The following STYXL1 variants were observed in gnomAD, a reference collection of about 807,000 sequenced individuals.
STYXL1 encodes serine/threonine/tyrosine-interacting-like protein 1.
STYXL1 carries 32 observed loss-of-function variants against 36.4 expected under a neutral mutation model. The ratio of observed to expected loss-of-function variants is 0.88; its 90% CI spans 0.66 to 1.18. The LOEUF (loss-of-function observed/expected upper bound fraction) is 1.18. STYXL1 is among the 50% of genes most tolerant of loss of function. The pLI is 0.00. For synonymous variants in STYXL1, 133 were observed against 144.1 expected, an observed-to-expected ratio of 0.92 and a Z score of 0.55; for missense variants, 354 against 394.1, an observed-to-expected ratio of 0.90 and a Z score of 0.86.
intron 5 of STYXL1, among the ~76,000 whole-genome samples, chr7:76,010,946 G>A (rs1026107861): frequency 2.6e-5 from 4 of 152,182 alleles, no homozygotes; most frequent in Non-Finnish European, 4.4e-5. Context: ...CAGGTGTGGT[G>A]GTTCATGCCT....
At chr7:76,001,087 C>T in intron 7 of STYXL1, 85 bp from the exon 8 acceptor site, 1 of 1,035,570 alleles carries the variant, frequency 9.7e-7, no homozygotes, top group Non-Finnish European at 1.5e-6. Flanking sequence ...CCTCCATGGG[C>T]CCGTGGTCCA....
intron 5 of STYXL1, among the ~76,000 whole-genome samples, chr7:76,005,798 C>CGA (rs144616727): frequency 5.6e-5 from 8 of 143,992 alleles, no homozygotes; most frequent in East Asian, 2.1e-4. Context: ...ATTTAAGCAT[C>CGA]GAGAGAGAGA....
In STYXL1 at chr7:76,018,818, A is replaced by G. The variant is rs115263063; in HGVS notation, c.307+3033T>C. On this transcript the variant is annotated intron_variant, in intron 4 of 8. Coordinates refer to ENST00000359697, the MANE Select transcript of STYXL1 (RefSeq NM_001317785.2). ...TTTGGCTATTATGAATAACACTGCT[A>G]TGAACATTCATGTAAAAGCTTTGGT... is the stretch of plus-strand genomic sequence containing the variant. 8.1e-3 allele frequency among the ~76,000 whole-genome samples: 1,237 copies of G among 152,326 alleles called. 17 individuals carry two copies. Among genetic ancestry groups the G allele is most frequent in the African/African-American group, 0.025 (1,056 of 41,574 alleles).
intron 1 of STYXL1, among the ~76,000 whole-genome samples, chr7:76,039,259 A>G (rs1247265496): frequency 2.7e-5 from 4 of 148,644 alleles, no homozygotes; most frequent in Non-Finnish European, 5.9e-5. Flanking sequence ...TAGTTTCTGT[A>G]GAGTCAGGGT....
At chr7:76,000,253 A>G (rs1232141205) in intron 8 of STYXL1, among the ~76,000 whole-genome samples, 3 of 148,944 alleles carry the variant, frequency 2.0e-5, no homozygotes, top group African/African-American at 7.5e-5. Context: ...AGGACTTTCT[A>G]GCCTACAACT....
chr7:76,007,593 C>CT (rs1283110899), intron 5 of STYXL1, among the ~76,000 whole-genome samples: 1 of 152,040 alleles, frequency 6.6e-6, no homozygotes, highest in Non-Finnish European at 1.5e-5. Context: ...TATGATTCCT[C>CT]TCTCGGAAAC....
chr7:76,021,808 T>C (rs782173675), intron 4 of STYXL1, 43 bp downstream of exon 4: 75 of 1,473,182 alleles, frequency 5.1e-5, no homozygotes, highest in Admixed American at 1.5e-4. Context: ...ATTTGTTCAA[T>C]AGCCGTTAAC....
At chr7:76,013,485 C>CA (rs1391325456) in intron 5 of STYXL1, among the ~76,000 whole-genome samples, 1 of 151,482 alleles carries the variant, frequency 6.6e-6, no homozygotes, top group African/African-American at 2.4e-5. Context: ...AGTACAGTGG[C>CA]ATGATCTTGG....
In STYXL1 at chr7:75,999,995, C is replaced by T. The variant is rs1024301518; in HGVS notation, c.810+895G>A. The stretch of plus-strand genomic sequence containing the variant: ...CATCCCCCACCACCACCCCACACAT[C>T]GCCTGGCCAAGATGGTGAAACCCTG... On this transcript the variant is annotated intron_variant, in intron 8 of 8. Coordinates refer to ENST00000359697, the MANE Select transcript of STYXL1 (RefSeq NM_001317785.2). Among the ~76,000 whole-genome samples, 4 of 150,888 alleles carry T rather than the reference C, an allele frequency of 2.7e-5. No homozygotes were observed. In the South Asian group the frequency reaches 8.5e-4, roughly 32 times the overall value.
At chr7:76,016,803 C>T (rs1333372290) in intron 4 of STYXL1, among the ~76,000 whole-genome samples, 3 of 152,106 alleles carry the variant, frequency 2.0e-5, no homozygotes, top group African/African-American at 7.2e-5. Context: ...TAAAGTAGTT[C>T]AGCCCCTGTG....
At chr7:76,022,191 T>C (rs1794165419) in intron 3 of STYXL1, among the ~76,000 whole-genome samples, 199 bp from the exon 4 acceptor site, 1 of 152,156 alleles carries the variant, frequency 6.6e-6, no homozygotes, top group Non-Finnish European at 1.5e-5. Context: ...TGTGTTCCCT[T>C]CTGAGAAAAG....
chr7:76,005,887 AGGAG>A, intron 5 of STYXL1, among the ~76,000 whole-genome samples: 1 of 91,938 alleles, frequency 1.1e-5, no homozygotes, highest in African/African-American at 4.2e-5. Flanking sequence ...AGGAGAGAGG[AGGAG>A]GAGGAGGAGA....
At chr7:76,008,663 T>C (rs1792141729) in intron 5 of STYXL1, among the ~76,000 whole-genome samples, 1 of 152,104 alleles carries the variant, frequency 6.6e-6, no homozygotes, top group South Asian at 2.1e-4. Context: ...GGATGGACGC[T>C]CAGCTTGCTG....
intron 3 of STYXL1, among the ~76,000 whole-genome samples, chr7:76,025,141 C>T (rs1554577323): frequency 1.4e-5 from 1 of 71,650 alleles, no homozygotes; most frequent in Non-Finnish European, 2.8e-5. Flanking sequence ...GCTGAGAACA[C>T]GGGCGGGAGG....
Position 76,020,308 on chromosome 7 carries a change from C to T in STYXL1, c.307+1543G>A, listed in dbSNP as rs782313943. On this transcript the variant is annotated intron_variant, in intron 4 of 8. Coordinates refer to ENST00000359697, the MANE Select transcript of STYXL1 (RefSeq NM_001317785.2). ...GAAAGGTGGGAGCATAGCGCCACCC[C>T]GTGGCAGTTGGTGTGAGTGCCCCCA... Among the ~76,000 whole-genome samples the T allele has an allele frequency of 2.4e-4, 37 of 152,172 alleles. 1 individual carries two copies. The highest frequency in any genetic ancestry group is 1.2e-4 in the Non-Finnish European group (8 of 68,018).
chr7:76,006,293 T>C (rs1205798799), intron 5 of STYXL1, among the ~76,000 whole-genome samples: 1 of 151,960 alleles, frequency 6.6e-6, no homozygotes, highest in Non-Finnish European at 1.5e-5. Context: ...GCCCAAGCTG[T>C]CCTCGAACTC....
intron 1 of STYXL1, among the ~76,000 whole-genome samples, chr7:76,031,223 C>T (rs534228957): frequency 7.0e-6 from 1 of 143,430 alleles, no homozygotes; most frequent in African/African-American, 2.6e-5. Context: ...CCCAGCTACT[C>T]GGGAGACTGA....
chr7:76,021,900 T>G lies in STYXL1; in HGVS notation c.258A>C (p.Ile86=), dbSNP rs2116069256. 6.2e-7 allele frequency: 1 copy of G among 1,613,720 alleles called. No individual in the cohort carries two copies. The highest frequency in any genetic ancestry group is 2.2e-5 in the East Asian group (1 of 44,874). ...VYDNNSSTLE[I]LLKDDDDDSD... is the part of the protein sequence containing the mutation. ...AATCATCATCATCATCTTTTAAGAG[T>G]ATCTCCAGGGTGCTGCTGTTGTTAT... Residue 86 remains isoleucine (I), a synonymous_variant, in exon 4 of 9, where the codon ATA becomes ATC. Transcript: ENST00000359697.
chr7:76,014,144 T>A (rs921950510), intron 4 of STYXL1, among the ~76,000 whole-genome samples: 1 of 150,564 alleles, frequency 6.6e-6, no homozygotes, highest in Non-Finnish European at 1.5e-5. Flanking sequence ...CCTGGCTAAT[T>A]TTTTATTTTT....
Sources: allele counts gnomAD v4.1 joint callset (sites outside exome capture counted in the v4.1 genomes callset), GRCh38; gene constraint gnomAD v4.1.1; transcripts MANE v1.5; gene names NCBI Gene and HGNC (gene_info 2026-07-23, HGNC 2026-07-21).